The following ADGRL2 variants were observed in gnomAD, a reference collection of about 807,000 sequenced individuals.
ADGRL2 encodes the protein adhesion G protein-coupled receptor L2.
Under a neutral mutation model 157.4 loss-of-function variants are expected in ADGRL2, and 44 were observed. The ratio of observed to expected loss-of-function variants is 0.28; its 90% confidence interval spans 0.22 to 0.36. ADGRL2 has a LOEUF of 0.36. Among genes scored for constraint, ADGRL2 ranks in the 10% least tolerant of loss-of-function variants. ADGRL2 has a pLI of 1.00. For synonymous variants in ADGRL2, 585 were observed against 624.7 expected (o/e 0.94, Z 0.95); for missense variants, 1,510 against 1,768.9 (o/e 0.85, Z 2.63).
chr1:81,433,619 C>T (rs564233365), intron 1 of ADGRL2, among the ~76,000 whole-genome samples: 9 of 152,096 alleles, frequency 5.9e-5, no homozygotes, highest in Non-Finnish European at 8.8e-5. Flanking sequence ...TTCTACCCTT[C>T]GGCAAGGAAA....
intron 2 of ADGRL2, among the ~76,000 whole-genome samples, chr1:81,445,481 T>C (rs974557065): frequency 1.3e-5 from 2 of 152,196 alleles, no homozygotes; most frequent in Non-Finnish European, 2.9e-5. Context: ...ATTATTCGGA[T>C]GCATTCCTTT....
At chr1:81,793,668 A>C (rs770146) in intron 2 of ADGRL2, among the ~76,000 whole-genome samples, 13,217 of 152,080 alleles carry the variant, frequency 0.087, 750 homozygotes, top group Admixed American at 0.17. Flanking sequence ...TCTATTTTTG[A>C]CCTTACATGA....
intron 2 of ADGRL2, among the ~76,000 whole-genome samples, chr1:81,505,724 C>T (rs1209988069): frequency 1.4e-5 from 2 of 138,248 alleles, no homozygotes; most frequent in Admixed American, 7.4e-5. Flanking sequence ...GAATAAATAC[C>T]TCAGATGTCC....
intron 2 of ADGRL2, among the ~76,000 whole-genome samples, chr1:81,864,158 C>T (rs2093466407): frequency 1.3e-5 from 2 of 152,102 alleles, no homozygotes. Flanking sequence ...TGGCAACAGT[C>T]ATAACTGTTC....
chr1:81,485,451 G>A (rs749251995), intron 2 of ADGRL2, among the ~76,000 whole-genome samples: 1 of 152,084 alleles, frequency 6.6e-6, no homozygotes, highest in Non-Finnish European at 1.5e-5. Flanking sequence ...ACTTTGAAGT[G>A]TATCTGATAT....
chr1:81,828,684 A>C (rs1239052712), intron 1 of ADGRL2, among the ~76,000 whole-genome samples: 1 of 152,112 alleles, frequency 6.6e-6, no homozygotes, highest in Non-Finnish European at 1.5e-5. Flanking sequence ...ATAAAATTAT[A>C]TTTTAAAGTT....
At chr1:81,937,301 A>G (rs779653661) in intron 4 of ADGRL2, among the ~76,000 whole-genome samples, 7 of 151,756 alleles carry the variant, frequency 4.6e-5, no homozygotes, top group East Asian at 1.9e-4. Context: ...TTTTTGTTCT[A>G]TTGTCTTTAA....
chr1:81,657,376 G>A (rs1012244718), intron 3 of ADGRL2, among the ~76,000 whole-genome samples: 5 of 152,144 alleles, frequency 3.3e-5, no homozygotes, highest in Non-Finnish European at 7.3e-5. Context: ...CAAATCTGAT[G>A]GCAATTTGAT....
chr1:81,594,096 T>G (rs1048100826), intron 3 of ADGRL2, among the ~76,000 whole-genome samples: 1 of 152,236 alleles, frequency 6.6e-6, no homozygotes, highest in Non-Finnish European at 1.5e-5. Flanking sequence ...ATAAATATAC[T>G]TTTGAATCTA....
At chr1:81,419,565 A>T (rs1325378086) in intron 1 of ADGRL2, among the ~76,000 whole-genome samples, 1 of 152,248 alleles carries the variant, frequency 6.6e-6, no homozygotes, top group African/African-American at 2.4e-5. Context: ...GCAAATAACT[A>T]CTTATTTGCC....
At chr1:81,634,275 A>G (rs2148770233) in intron 3 of ADGRL2, among the ~76,000 whole-genome samples, 1 of 152,112 alleles carries the variant, frequency 6.6e-6, no homozygotes, top group East Asian at 1.9e-4. Context: ...TATCTTGCTC[A>G]CTCTCATTAG....
intron 1 of ADGRL2, among the ~76,000 whole-genome samples, chr1:81,711,031 G>A (rs1319627627): frequency 1.3e-5 from 2 of 152,072 alleles, no homozygotes; most frequent in Admixed American, 1.3e-4. Flanking sequence ...GTTTCACTGA[G>A]TTATGTAGAT....
chr1:81,740,846 T>C (rs1383821118), intron 1 of ADGRL2, among the ~76,000 whole-genome samples: 1 of 152,062 alleles, frequency 6.6e-6, no homozygotes, highest in Non-Finnish European at 1.5e-5. Context: ...ATGAAAGAGA[T>C]TCAGACCTCA....
At chr1:81,725,874 T>C (rs1346108660) in intron 1 of ADGRL2, among the ~76,000 whole-genome samples, 1 of 152,150 alleles carries the variant, frequency 6.6e-6, no homozygotes, top group Non-Finnish European at 1.5e-5. Context: ...TCCCCGCTAG[T>C]TGCGGGGCTG....
intron 1 of ADGRL2, among the ~76,000 whole-genome samples, chr1:81,405,850 A>C (rs2076845059): frequency 6.6e-6 from 1 of 152,142 alleles, no homozygotes; most frequent in African/African-American, 2.4e-5. Context: ...TAATGCCTAT[A>C]TATTCTTTAA....
At position 81,955,910 on chromosome 1, in the gene ADGRL2, C is replaced by A; in HGVS notation, c.1867C>A (p.Pro623Thr). ...IVDTVDNLLR[P>T]EALESWKHMN... is the part of the protein sequence containing the mutation. ...TGACACAGTGGACAACCTTCTGAGA[C>A]CCGAAGCTTTGGAATCATGGAAACA... Residue 623 changes from proline to threonine, a missense_variant, in exon 11 of 24, where the codon CCC (proline) becomes ACC (threonine). Transcript: ENST00000686636. 1 of 1,601,542 alleles carries A rather than the reference C, an allele frequency of 6.2e-7. No individual in the cohort carries two copies. Among genetic ancestry groups the A allele is most frequent in the Non-Finnish European group, 8.5e-7 (1 of 1,174,372 alleles).
intron 1 of ADGRL2, among the ~76,000 whole-genome samples, chr1:81,830,983 G>A (rs1363380107): frequency 6.6e-6 from 1 of 152,096 alleles, no homozygotes; most frequent in Non-Finnish European, 1.5e-5. Flanking sequence ...TATTGATTCG[G>A]GGAATGGCCA....
intron 3 of ADGRL2, among the ~76,000 whole-genome samples, chr1:81,665,588 T>C (rs1186219012): frequency 2.0e-5 from 3 of 152,018 alleles, no homozygotes; most frequent in Non-Finnish European, 2.9e-5. Context: ...GAAATGGAGG[T>C]TAATATTCCT....
intron 19 of ADGRL2, chr1:81,984,369 C>T (rs6598979): frequency 1 from 399,719 of 400,252 alleles, 199,595 homozygotes; most frequent in East Asian, 1. Context: ...ATTTTAAAGA[C>T]TCTACTAGCC....
Sources: gnomAD v4.1 joint callset for allele counts (sites outside exome capture counted in the v4.1 genomes callset) on GRCh38, gnomAD v4.1.1 for gene constraint, MANE v1.5 for transcripts, NCBI Gene and HGNC (gene_info 2026-07-23, HGNC 2026-07-21) for gene names.